Variants in PKNOX2 observed in about 807,000 individuals in gnomAD.
PKNOX2 encodes the protein PBX/knotted 1 homeobox 2, also known as homeobox protein PKNOX2.
Under a neutral mutation model 53.1 loss-of-function variants are expected in PKNOX2, and 14 were observed. The observed-to-expected ratio is 0.26, with a 90% confidence interval of 0.17 to 0.41. PKNOX2 has a LOEUF of 0.41. Among genes scored for constraint, PKNOX2 ranks in the 10% least tolerant of loss-of-function variants. The probability of loss-of-function intolerance (pLI) is 1.00; values close to 1 mark genes in which losing one functional copy is unlikely to be tolerated. For synonymous variants in PKNOX2, 257 were observed against 242.8 expected (o/e 1.06, Z -0.54); for missense variants, 496 against 602.8 (o/e 0.82, Z 1.85).
chr11:125,167,744 G>C (rs1486097158), intron 1 of PKNOX2, among the ~76,000 whole-genome samples: 4 of 152,134 alleles, frequency 2.6e-5, no homozygotes, highest in African/African-American at 4.8e-5. Context: ...CTTTCAAAAG[G>C]GGCTTTTATT....
At chr11:125,265,355 A>G (rs984354105) in intron 2 of PKNOX2, among the ~76,000 whole-genome samples, 7 of 152,120 alleles carry the variant, frequency 4.6e-5, no homozygotes, top group African/African-American at 1.7e-4. Context: ...CTAAACATGT[A>G]TGACCAAGGC....
intron 1 of PKNOX2, among the ~76,000 whole-genome samples, chr11:125,185,880 A>AC (rs1956417810): frequency 6.6e-6 from 1 of 152,178 alleles, no homozygotes; most frequent in South Asian, 2.1e-4. Context: ...TCTTTTGGAC[A>AC]TATACCTAGT....
At chr11:125,396,938 T>G (rs1431324742) in intron 6 of PKNOX2, among the ~76,000 whole-genome samples, 1 of 152,188 alleles carries the variant, frequency 6.6e-6, no homozygotes, top group Non-Finnish European at 1.5e-5. Flanking sequence ...CAAAATTGCA[T>G]GCACAAGGTT....
chr11:125,263,480 G>A (rs1037590002), intron 2 of PKNOX2, among the ~76,000 whole-genome samples: 2 of 152,260 alleles, frequency 1.3e-5, no homozygotes, highest in East Asian at 1.9e-4. Context: ...CCTGCTGGGG[G>A]AGCGTGCTAA....
chr11:125,378,087 A>T (rs181259727), intron 5 of PKNOX2, among the ~76,000 whole-genome samples: 44 of 152,188 alleles, frequency 2.9e-4, no homozygotes, highest in African/African-American at 1.1e-3. Flanking sequence ...TCTGTTTGGG[A>T]AAGTAGTTTC....
chr11:125,374,729 GAGTCCTGAAATC>G (rs947489991), intron 5 of PKNOX2, among the ~76,000 whole-genome samples: 1 of 152,178 alleles, frequency 6.6e-6, no homozygotes, highest in African/African-American at 2.4e-5. Context: ...AAAGATCCAG[GAGTCCTGAAATC>G]TGATGACTTT....
At chr11:125,339,726 A>G (rs1409649595) in intron 3 of PKNOX2, among the ~76,000 whole-genome samples, 2 of 152,248 alleles carry the variant, frequency 1.3e-5, no homozygotes, top group African/African-American at 4.8e-5. Context: ...AGCCGCCAAG[A>G]GCAGGGTGAG....
intron 2 of PKNOX2, among the ~76,000 whole-genome samples, chr11:125,285,382 A>G (rs1259608486): frequency 3.9e-5 from 6 of 152,202 alleles, no homozygotes; most frequent in Non-Finnish European, 7.3e-5. Context: ...AATAGAATAA[A>G]CAGAGAAGGC....
intron 5 of PKNOX2, among the ~76,000 whole-genome samples, chr11:125,368,414 A>C (rs1006927370): frequency 6.6e-6 from 1 of 152,246 alleles, no homozygotes; most frequent in African/African-American, 2.4e-5. Flanking sequence ...CATGAAAGTC[A>C]CAGGGAGAGC....
chr11:125,387,498 C>T lies in PKNOX2; in HGVS notation c.399+1776C>T, dbSNP rs75823517. ...TCCCATCCTAGCTCAGCCTGGAAAACGCCCAGGTGGCCACTTCCATGCTCT... is the reference window on the plus strand; with the variant it reads ...TCCCATCCTAGCTCAGCCTGGAAAATGCCCAGGTGGCCACTTCCATGCTCT... On this transcript the variant is annotated intron_variant, in intron 6 of 12. Transcript: ENST00000298282. Among the ~76,000 whole-genome samples the T allele has an allele frequency of 1.5e-3, 229 of 152,218 alleles. 1 individual carries two copies. Among genetic ancestry groups the T allele is most frequent in the African/African-American group, 4.0e-3 (167 of 41,540 alleles).
At chr11:125,219,543 T>C (rs1301886993) in intron 1 of PKNOX2, among the ~76,000 whole-genome samples, 1 of 151,346 alleles carries the variant, frequency 6.6e-6, no homozygotes, top group Non-Finnish European at 1.5e-5. Flanking sequence ...TATGAAGAGC[T>C]CCTAAAAATT....
chr11:125,220,379 C>T (rs1941001427), intron 1 of PKNOX2, among the ~76,000 whole-genome samples: 1 of 152,196 alleles, frequency 6.6e-6, no homozygotes, highest in African/African-American at 2.4e-5. Context: ...TGATTTCCAA[C>T]CCCTGAGCTC....
At chr11:125,222,660 GTA>G (rs768289290) in intron 1 of PKNOX2, among the ~76,000 whole-genome samples, 3 of 137,576 alleles carry the variant, frequency 2.2e-5, no homozygotes, top group East Asian at 4.1e-4. Flanking sequence ...TGTGTGCTGT[GTA>G]TGTGTGTGTG....
chr11:125,208,778 C>A lies in PKNOX2; in HGVS notation c.-200-26267C>A, dbSNP rs375829278. 5.9e-3 allele frequency among the ~76,000 whole-genome samples: 676 copies of A among 114,038 alleles called. 8 individuals are homozygous for A. The highest frequency in any genetic ancestry group is 0.024 in the African/African-American group (659 of 27,758). The allele number at this position is 114,038 out of a possible 152,430, so 74.8% of individuals were successfully genotyped here. On this transcript the variant is annotated intron_variant, in intron 1 of 12. Coordinates refer to ENST00000298282, the MANE Select transcript of PKNOX2 (RefSeq NM_001382323.2). The stretch of plus-strand genomic sequence containing the variant: ...TTGGGTGGTTGGAAGAAAAGGGTAC[C>A]ATTAACAGAAATAGTAAAGACTCAA...
At chr11:125,305,787 T>G (rs967384405) in intron 2 of PKNOX2, among the ~76,000 whole-genome samples, 3 of 152,104 alleles carry the variant, frequency 2.0e-5, no homozygotes, top group African/African-American at 7.2e-5. Flanking sequence ...ACACTTAAAT[T>G]GGATCCCAGG....
At chr11:125,269,852 A>G (rs1945654115) in intron 2 of PKNOX2, among the ~76,000 whole-genome samples, 1 of 152,162 alleles carries the variant, frequency 6.6e-6, no homozygotes, top group African/African-American at 2.4e-5. Context: ...GGGAGTTCTC[A>G]CAAGGATTGG....
intron 10 of PKNOX2, among the ~76,000 whole-genome samples, chr11:125,424,298 A>G (rs573278984): frequency 6.6e-6 from 1 of 152,312 alleles, no homozygotes; most frequent in African/African-American, 2.4e-5. Context: ...CAATGACTAC[A>G]GAAAGAGAAG....
At chr11:125,168,108 T>C (rs1170639604) in intron 1 of PKNOX2, among the ~76,000 whole-genome samples, 1 of 152,220 alleles carries the variant, frequency 6.6e-6, no homozygotes, top group Admixed American at 6.5e-5. Context: ...CAATTCAAAC[T>C]GCAACTAAAA....
intron 6 of PKNOX2, among the ~76,000 whole-genome samples, chr11:125,397,010 G>A (rs937189031): frequency 2.0e-5 from 3 of 152,228 alleles, no homozygotes; most frequent in Admixed American, 6.5e-5. Context: ...CGATTGGATC[G>A]AAGACAGGTT....
Sources: allele counts gnomAD v4.1 joint callset (sites outside exome capture counted in the v4.1 genomes callset), GRCh38; gene constraint gnomAD v4.1.1; transcripts MANE v1.5; gene names NCBI Gene and HGNC (gene_info 2026-07-23, HGNC 2026-07-21).